PPP2CB: variants seen among roughly 807,000 people sequenced by gnomAD.
PPP2CB encodes the protein serine/threonine-protein phosphatase 2A catalytic subunit beta isoform.
PPP2CB carries 18 observed loss-of-function variants against 39.1 expected under a neutral mutation model. The ratio of observed to expected loss-of-function variants is 0.46; its 90% CI spans 0.32 to 0.68. The LOEUF (loss-of-function observed/expected upper bound fraction) is 0.68, where lower values mean the gene tolerates loss of function less well. PPP2CB is among the 30% of genes least tolerant of loss of function. The pLI is 0.04. For missense variants in PPP2CB, 226 were observed against 396.9 expected (o/e 0.57, Z 3.66); for synonymous variants, 129 against 133.8 (o/e 0.96, Z 0.25).
chr8:30,786,411 C>A (rs1240477399), intron 6 of PPP2CB, 104 bp from the exon 7 acceptor site: 2 of 902,960 alleles, frequency 2.2e-6, no homozygotes, highest in South Asian at 3.3e-5. Flanking sequence ...CCTGCTTTCC[C>A]ACCATGACTA....
chr8:30,808,026 A>G (rs1022039991), intron 1 of PPP2CB, among the ~76,000 whole-genome samples: 2 of 152,166 alleles, frequency 1.3e-5, no homozygotes, highest in Non-Finnish European at 2.9e-5. Context: ...TGGCACTAGG[A>G]TAGATTTTAT....
At chr8:30,804,575 G>A (rs887592869) in intron 1 of PPP2CB, among the ~76,000 whole-genome samples, 1 of 152,150 alleles carries the variant, frequency 6.6e-6, no homozygotes, top group African/African-American at 2.4e-5. Flanking sequence ...AATCATCAGT[G>A]TAACAGCTTA....
intron 6 of PPP2CB, 133 bp downstream of exon 6, chr8:30,791,064 G>T: frequency 1.7e-6 from 1 of 588,448 alleles, no homozygotes; most frequent in Non-Finnish European, 2.9e-6. Context: ...ATGTTCTCCA[G>T]CTAATGGTTA....
chr8:30,790,045 G>A (rs1333878407), intron 6 of PPP2CB, among the ~76,000 whole-genome samples: 3 of 151,994 alleles, frequency 2.0e-5, no homozygotes, highest in Non-Finnish European at 4.4e-5. Context: ...AATCCCATTC[G>A]AATTGGATTT....
Position 30,812,365 on chromosome 8 carries a change from C to T in PPP2CB, c.57G>A (p.Glu19=). Residue 19 remains glutamate, a synonymous_variant, in exon 1 of 7, where the codon GAG becomes GAA. Transcript: ENST00000221138. Reference sequence around the variant, plus strand: ...CTTGGTTCTCGTTCAGCTGCTTACACTCGTTCAGCTGCTCGACCCACTGGT... The same window carrying T: ...CTTGGTTCTCGTTCAGCTGCTTACATTCGTTCAGCTGCTCGACCCACTGGT... ...ELDQWVEQLN[E]CKQLNENQVR... is the part of the protein sequence containing the mutation. 1 of 1,564,270 alleles carries T rather than the reference C, an allele frequency of 6.4e-7. No individual in the cohort carries two copies. The highest frequency in any genetic ancestry group is 8.7e-7 in the Non-Finnish European group (1 of 1,152,398).
intron 6 of PPP2CB, among the ~76,000 whole-genome samples, chr8:30,787,651 C>T (rs1806365917): frequency 6.6e-6 from 1 of 152,200 alleles, no homozygotes; most frequent in Non-Finnish European, 1.5e-5. Context: ...TTTCTTTAAA[C>T]ATTTGGTGGA....
chr8:30,812,122 G>A (rs1041550629), intron 1 of PPP2CB, among the ~76,000 whole-genome samples, 198 bp downstream of exon 1: 1 of 152,116 alleles, frequency 6.6e-6, no homozygotes, highest in African/African-American at 2.4e-5. Context: ...AGGTGGAAGG[G>A]GCAGGCGAGG....
intron 2 of PPP2CB, 87 bp downstream of exon 2, chr8:30,799,459 C>A: frequency 9.0e-7 from 1 of 1,105,536 alleles, no homozygotes; most frequent in Non-Finnish European, 1.3e-6. Context: ...CTGAACAGAC[C>A]ATAAAACAGA....
At chr8:30,795,357 C>T (rs986628521) in intron 3 of PPP2CB, among the ~76,000 whole-genome samples, 5 of 152,118 alleles carry the variant, frequency 3.3e-5, no homozygotes, top group Admixed American at 6.6e-5. Flanking sequence ...TCAGGTGATC[C>T]GCCCGCCTTG....
At chr8:30,806,108 C>A (rs1412533989) in intron 1 of PPP2CB, among the ~76,000 whole-genome samples, 1 of 147,918 alleles carries the variant, frequency 6.8e-6, no homozygotes, top group Admixed American at 6.8e-5. Context: ...AATGCAGTGG[C>A]GCGATCTCGG....
intron 6 of PPP2CB, among the ~76,000 whole-genome samples, chr8:30,789,982 C>G (rs1332898507): frequency 6.6e-6 from 1 of 152,180 alleles, no homozygotes; most frequent in Non-Finnish European, 1.5e-5. Flanking sequence ...TCACTTGAAT[C>G]TCTGGCTTCA....
At chr8:30,797,310 A>C (rs946700020) in intron 3 of PPP2CB, among the ~76,000 whole-genome samples, 2 of 152,226 alleles carry the variant, frequency 1.3e-5, no homozygotes, top group African/African-American at 4.8e-5. Context: ...ACATTTATTT[A>C]TAATGTTTAT....
In PPP2CB at chr8:30,794,052, T is replaced by C. The variant is rs768686716; in HGVS notation, c.603A>G (p.Ser201=). 11 of 1,610,802 alleles carry C rather than the reference T, an allele frequency of 6.8e-6. 1 individual carries two copies. In the South Asian group the frequency reaches 1.2e-4, roughly 18 times the overall value. The change falls in exon 5 of 7, where the codon TCA becomes TCG. Residue 201 remains serine, a synonymous_variant. Coordinates refer to ENST00000221138, the MANE Select transcript of PPP2CB (RefSeq NM_001009552.2). ...CCCATCCACCACGATCATCTGGATC[T>C]GACCATAACAGATCACACATTGGGC... ...HEGPMCDLLW[S]DPDDRGGWGI...
rs1380110123 is a variant in PPP2CB at position 30,812,427 on chromosome 8, C to A, written c.-6G>T. ...GTGAACGCCTTGTCGTCCATGGCGGCCCGATCCCGATGCGGATCCCGAGCC... is the reference window on the plus strand; with the variant it reads ...GTGAACGCCTTGTCGTCCATGGCGGACCGATCCCGATGCGGATCCCGAGCC... On this transcript the variant is annotated 5_prime_UTR_variant, in exon 1 of 7. Coordinates refer to ENST00000221138, the MANE Select transcript of PPP2CB (RefSeq NM_001009552.2). 3 of 1,521,800 alleles carry A rather than the reference C, an allele frequency of 2.0e-6. No individual in the cohort carries two copies. Among genetic ancestry groups the A allele is most frequent in the South Asian group, 1.2e-5 (1 of 82,916 alleles). The allele number at this position is 1,521,800 out of a possible 1,614,324, so 94.3% of individuals were successfully genotyped here.
intron 1 of PPP2CB, among the ~76,000 whole-genome samples, chr8:30,811,969 C>T (rs1563218720): frequency 6.6e-6 from 1 of 152,202 alleles, no homozygotes; most frequent in Admixed American, 6.5e-5. Context: ...TCGGGAAATG[C>T]TAGAGTGGCA....
chr8:30,804,866 T>C (rs917144177), intron 1 of PPP2CB, among the ~76,000 whole-genome samples: 1 of 152,132 alleles, frequency 6.6e-6, no homozygotes, highest in Non-Finnish European at 1.5e-5. Context: ...ATAAAGAATT[T>C]GGAAGGTTTT....
intron 1 of PPP2CB, among the ~76,000 whole-genome samples, chr8:30,808,696 T>G (rs1461833877): frequency 6.6e-6 from 1 of 152,174 alleles, no homozygotes; most frequent in Non-Finnish European, 1.5e-5. Flanking sequence ...TTAATTCCAG[T>G]ACTGTGTGGT....
intron 1 of PPP2CB, among the ~76,000 whole-genome samples, chr8:30,801,250 G>C (rs753827831): frequency 1.3e-5 from 2 of 150,176 alleles, no homozygotes; most frequent in Non-Finnish European, 1.5e-5. Context: ...AAGTCAAACA[G>C]GGCCGGGCAC....
In PPP2CB at chr8:30,808,890, C is replaced by T. The variant is rs147343711; in HGVS notation, c.102+3430G>A. ...GCCTTCCTTTAGTTAACATTCACTG[C>T]GTGCTTACTTCTCATTAGGACTTTA... On this transcript the variant is annotated intron_variant, in intron 1 of 6. Coordinates refer to ENST00000221138, the MANE Select transcript of PPP2CB (RefSeq NM_001009552.2). 1.7e-4 allele frequency among the ~76,000 whole-genome samples: 26 copies of T among 149,752 alleles called. No homozygotes were observed. The East Asian group carries it at 2.2e-3, about 12-fold the overall frequency.
Sources: allele counts gnomAD v4.1 joint callset (sites outside exome capture counted in the v4.1 genomes callset), GRCh38; gene constraint gnomAD v4.1.1; transcripts MANE v1.5; gene names NCBI Gene and HGNC (gene_info 2026-07-23, HGNC 2026-07-21).